Variants in CALN1 observed in about 807,000 individuals in gnomAD.
The protein encoded by CALN1 is calcium-binding protein 8.
In CALN1, 17 loss-of-function variants were observed where a neutral mutation model predicts 30.6. That is an observed-to-expected ratio of 0.56 (90% CI 0.38 to 0.83). CALN1 has a LOEUF of 0.83. Among genes scored for constraint, CALN1 ranks in the 40% least tolerant of loss-of-function variants. The probability of loss-of-function intolerance (pLI) is 0.00; values close to 1 mark genes in which losing one functional copy is unlikely to be tolerated. For missense variants in CALN1, 291 were observed against 354.9 expected (o/e 0.82, Z 1.45); for synonymous variants, 156 against 131.4 (o/e 1.19, Z -1.28).
intron 4 of CALN1, among the ~76,000 whole-genome samples, chr7:72,090,194 T>A (rs1286593294): frequency 6.6e-6 from 1 of 152,080 alleles, no homozygotes; most frequent in Non-Finnish European, 1.5e-5. Context: ...CCCAGCCACT[T>A]GGGAGGCTGA....
chr7:71,983,003 A>G (rs1018135188), intron 5 of CALN1, among the ~76,000 whole-genome samples: 1 of 152,146 alleles, frequency 6.6e-6, no homozygotes, highest in Non-Finnish European at 1.5e-5. Context: ...TTGCATAATA[A>G]GATTAGGGTG....
In CALN1 at chr7:71,905,396, T is replaced by A. The variant is rs545658422; in HGVS notation, c.502-94904A>T. 9.0e-3 allele frequency among the ~76,000 whole-genome samples: 1,345 copies of A among 149,892 alleles called. 23 individuals are homozygous for A. Among genetic ancestry groups the A allele is most frequent in the African/African-American group, 0.031 (1,250 of 40,510 alleles). On this transcript the variant is annotated intron_variant, in intron 5 of 6. Transcript: ENST00000395275. Reference sequence around the variant, plus strand: ...CCTAATGTGTAGTTTTTTTTTTTTTTATCTCTATCCCCCCTCCTACCCTCT... The same window carrying A: ...CCTAATGTGTAGTTTTTTTTTTTTTAATCTCTATCCCCCCTCCTACCCTCT...
At chr7:72,078,923 C>T (rs530024694) in intron 4 of CALN1, among the ~76,000 whole-genome samples, 3 of 152,040 alleles carry the variant, frequency 2.0e-5, no homozygotes, top group East Asian at 1.9e-4. Context: ...AGTGAGATTC[C>T]GTCTCAAAAA....
chr7:72,463,556 C>CTATAT, the CALN1 span, among the ~76,000 whole-genome samples: 2 of 151,810 alleles, frequency 1.3e-5, no homozygotes. Flanking sequence ...GATCTGCCTA[C>CTATAT]TTTATTTTAT....
At chr7:72,344,495 GAATAT>G in intron 2 of CALN1, among the ~76,000 whole-genome samples, 1 of 150,484 alleles carries the variant, frequency 6.6e-6, no homozygotes, top group South Asian at 2.1e-4. Flanking sequence ...TATGTGCACA[GAATAT>G]AATTCCAATG....
intron 3 of CALN1, among the ~76,000 whole-genome samples, chr7:72,117,662 A>C (rs977894672): frequency 6.6e-6 from 1 of 152,034 alleles, no homozygotes; most frequent in Non-Finnish European, 1.5e-5. Context: ...ATTGCTTAAG[A>C]ATGAGTCACT....
intron 3 of CALN1, among the ~76,000 whole-genome samples, chr7:72,239,645 T>C (rs1032230008): frequency 3.9e-5 from 6 of 152,000 alleles, no homozygotes; most frequent in African/African-American, 1.4e-4. Flanking sequence ...CCAAGGTGCA[T>C]GGGTTTGTAG....
intron 5 of CALN1, among the ~76,000 whole-genome samples, chr7:71,850,667 T>C (rs1790585396): frequency 6.6e-6 from 1 of 152,204 alleles, no homozygotes. Flanking sequence ...GTAATAACAG[T>C]GGCTAGTTAG....
chr7:72,355,845 A>G (rs1452492581), intron 2 of CALN1, among the ~76,000 whole-genome samples: 1 of 152,238 alleles, frequency 6.6e-6, no homozygotes. Flanking sequence ...TGTCTTAATT[A>G]TGGTGATGGT....
intron 3 of CALN1, among the ~76,000 whole-genome samples, chr7:72,149,815 T>C (rs1258474620): frequency 1.3e-5 from 2 of 152,032 alleles, no homozygotes; most frequent in Non-Finnish European, 2.9e-5. Context: ...GGCACTGCTA[T>C]AGGAGTTACC....
rs141482446 is a variant in CALN1, at chr7:71,797,326, G to A, written c.659-9424C>T. Among the ~76,000 whole-genome samples, 1,094 of 152,266 alleles carry A rather than the reference G, an allele frequency of 7.2e-3. 6 individuals are homozygous for A. The highest frequency in any genetic ancestry group is 0.025 in the African/African-American group (1,036 of 41,544). On this transcript the variant is annotated intron_variant, in intron 6 of 6. Coordinates refer to ENST00000395275, the MANE Select transcript of CALN1 (RefSeq NM_031468.4). Reference sequence around the variant, plus strand: ...TCAGGTGATTCTTAGGATAACCAGAGCCACCAGGTCTGGGAGCTATTTTTG... The same window carrying A: ...TCAGGTGATTCTTAGGATAACCAGAACCACCAGGTCTGGGAGCTATTTTTG...
intron 5 of CALN1, among the ~76,000 whole-genome samples, chr7:71,837,847 A>G (rs1176728513): frequency 6.6e-6 from 1 of 152,208 alleles, no homozygotes; most frequent in East Asian, 1.9e-4. Flanking sequence ...ATGAAAAACC[A>G]ATAATTTTAC....
At chr7:72,486,849 G>T in the CALN1 span, among the ~76,000 whole-genome samples, 1 of 152,062 alleles carries the variant, frequency 6.6e-6, no homozygotes, top group African/African-American at 2.4e-5. Context: ...GTAGCTAGTA[G>T]ATTTCTTATA....
At chr7:72,487,742 G>A in the CALN1 span, among the ~76,000 whole-genome samples, 398 of 79,026 alleles carry the variant, frequency 5.0e-3, no homozygotes, top group East Asian at 0.038. Context: ...AGAAAGGAAG[G>A]AAGGAAGGAA....
At chr7:72,085,977 G>A (rs1805459066) in intron 4 of CALN1, among the ~76,000 whole-genome samples, 1 of 151,664 alleles carries the variant, frequency 6.6e-6, no homozygotes, top group African/African-American at 2.4e-5. Context: ...AGATGTATAA[G>A]GAAAATCATC....
At chr7:72,253,012 G>A (rs1795672135) in intron 3 of CALN1, among the ~76,000 whole-genome samples, 1 of 152,142 alleles carries the variant, frequency 6.6e-6, no homozygotes, top group Admixed American at 6.5e-5. Flanking sequence ...TTACAAGTGG[G>A]GAAACTGAGG....
At chr7:71,938,444 G>A (rs1450779934) in intron 5 of CALN1, among the ~76,000 whole-genome samples, 1 of 152,084 alleles carries the variant, frequency 6.6e-6, no homozygotes, top group Non-Finnish European at 1.5e-5. Context: ...GGACATTATA[G>A]CCATAATGTG....
chr7:72,372,652 G>C (rs190241982), intron 2 of CALN1, among the ~76,000 whole-genome samples: 1 of 152,042 alleles, frequency 6.6e-6, no homozygotes, highest in Admixed American at 6.6e-5. Flanking sequence ...GTCACACACA[G>C]GGGACAGATC....
intron 2 of CALN1, among the ~76,000 whole-genome samples, chr7:72,339,367 AATCTT>A (rs1211810116): frequency 6.6e-6 from 1 of 152,190 alleles, no homozygotes; most frequent in Non-Finnish European, 1.5e-5. Flanking sequence ...GCTCCCTAGC[AATCTT>A]ATAACTGAGA....
Sources: gnomAD v4.1 joint callset for allele counts (sites outside exome capture counted in the v4.1 genomes callset) on GRCh38, gnomAD v4.1.1 for gene constraint, MANE v1.5 for transcripts, NCBI Gene and HGNC (gene_info 2026-07-23, HGNC 2026-07-21) for gene names.